The following MYO16 variants were observed in gnomAD, a reference collection of about 807,000 sequenced individuals.
MYO16 encodes the protein unconventional myosin-XVI.
MYO16 carries 94 observed loss-of-function variants against 205.3 expected under a neutral mutation model. The observed-to-expected ratio is 0.46, with a 90% CI of 0.39 to 0.54. The LOEUF is 0.54. Among genes scored for constraint, MYO16 ranks in the 20% least tolerant of loss-of-function variants. MYO16 has a pLI of 0.00. For synonymous variants in MYO16, 988 were observed against 954.0 expected (o/e 1.04, Z -0.66); for missense variants, 2,315 against 2,387.5 (o/e 0.97, Z 0.63).
chr13:108,504,919 T>G, the MYO16 span, among the ~76,000 whole-genome samples: 3 of 152,352 alleles, frequency 2.0e-5, no homozygotes, highest in Admixed American at 6.5e-5. Context: ...TTTGATATTT[T>G]GTAACTATTT....
At chr13:108,540,516 C>T in the MYO16 span, among the ~76,000 whole-genome samples, 1 of 152,066 alleles carries the variant, frequency 6.6e-6, no homozygotes, top group Non-Finnish European at 1.5e-5. Context: ...CTGATATTGC[C>T]TTTTCACAAG....
intron 1 of MYO16, among the ~76,000 whole-genome samples, chr13:108,611,597 G>C (rs1368360077): frequency 6.6e-6 from 1 of 152,130 alleles, no homozygotes; most frequent in Admixed American, 6.5e-5. Context: ...TCCATAAATA[G>C]AGTTAGTAAT....
At chr13:108,844,638 T>A in intron 10 of MYO16, 145 bp downstream of exon 10, 1 of 799,590 alleles carries the variant, frequency 1.3e-6, no homozygotes, top group Non-Finnish European at 1.8e-6. Context: ...CTTGCAGTTT[T>A]CATAAACAAT....
the MYO16 span, among the ~76,000 whole-genome samples, chr13:108,522,320 C>A: frequency 1.3e-5 from 2 of 152,160 alleles, no homozygotes; most frequent in Admixed American, 6.5e-5. Context: ...GAATAATGAA[C>A]AAATAGCTAT....
Position 109,127,647 on chromosome 13 carries a change from T to C in MYO16, c.4051+97T>C. 8.1e-7 allele frequency: 1 copy of C among 1,231,156 alleles called. No individual in the cohort carries two copies. The highest frequency in any genetic ancestry group is 2.6e-5 in the East Asian group (1 of 39,150). The allele number at this position is 1,231,156 out of a possible 1,614,324, so 76.3% of individuals were successfully genotyped here. ...ATGGCAGTACTGTCGCCCTAATGTA[T>C]TCTTAATAGAAATAAATCCAATTGT... On this transcript the variant is annotated intron_variant, in intron 31 of 34. Coordinates refer to ENST00000457511, the MANE Select transcript of MYO16 (RefSeq NM_001198950.3). The surrounding 1 kb of genome is among the most constrained non-coding windows in gnomAD (Gnocchi z 4.2).
chr13:108,700,509 G>A (rs1156497745), intron 2 of MYO16, among the ~76,000 whole-genome samples: 4 of 152,224 alleles, frequency 2.6e-5, no homozygotes, highest in Admixed American at 6.5e-5. Flanking sequence ...TGGCAGCCAC[G>A]AAAACCAGCA....
intron 27 of MYO16, among the ~76,000 whole-genome samples, chr13:109,070,812 G>A (rs1236495555): frequency 2.6e-5 from 4 of 152,112 alleles, no homozygotes; most frequent in Non-Finnish European, 5.9e-5. Context: ...CTAAGGTGAA[G>A]CATCAATTTA....
At position 109,077,549 on chromosome 13, in the gene MYO16, C is replaced by T. The variant is rs192504665; in HGVS notation, c.3335+21954C>T. 6.2e-3 allele frequency among the ~76,000 whole-genome samples: 944 copies of T among 152,272 alleles called. 9 individuals carry two copies. The highest frequency in any genetic ancestry group is 0.022 in the African/African-American group (900 of 41,556). On this transcript the variant is annotated intron_variant, in intron 27 of 34. Coordinates refer to ENST00000457511, the MANE Select transcript of MYO16 (RefSeq NM_001198950.3). Reference sequence around the variant, plus strand: ...TTACTCCTGGTGCTGTACACTCTCACGTCATTTGTGGAAGGCATTTTTATG... The same window carrying T: ...TTACTCCTGGTGCTGTACACTCTCATGTCATTTGTGGAAGGCATTTTTATG...
Position 109,140,563 on chromosome 13 carries a change from G to A in MYO16, c.4351G>A (p.Glu1451Lys). The change falls in exon 32 of 35, where the codon GAG (glutamate) becomes AAG (lysine). Residue 1451 changes from glutamate to lysine, a missense_variant. By Grantham distance (56) the Glu-to-Lys change is moderately conservative. Coordinates refer to ENST00000457511, the MANE Select transcript of MYO16 (RefSeq NM_001198950.3). This position sits in a 1 kb window ranked among gnomAD's most constrained non-coding sequence, Gnocchi z 8.0. Reference protein sequence around the residue: ...AARPDSPDPGESVYEEMKCCL... With the variant: ...AARPDSPDPGKSVYEEMKCCL... ...CAGGCCCGATAGCCCGGACCCCGGG[G>A]AGTCCGTGTACGAGGAGATGAAGTG... 6.5e-7 allele frequency: 1 copy of A among 1,539,470 alleles called. No homozygotes were observed. The highest frequency in any genetic ancestry group is 8.7e-7 in the Non-Finnish European group (1 of 1,149,848).
intron 27 of MYO16, among the ~76,000 whole-genome samples, chr13:109,078,370 T>C (rs1031926481): frequency 1.2e-4 from 18 of 151,550 alleles, no homozygotes; most frequent in African/African-American, 4.1e-4. Context: ...ACCCAGGAGG[T>C]AGAGGTTGCA....
At chr13:109,022,724 CAT>C (rs1491359775) in intron 23 of MYO16, among the ~76,000 whole-genome samples, 6 of 52,802 alleles carry the variant, frequency 1.1e-4, no homozygotes, top group African/African-American at 2.7e-4. Context: ...CGCATATAAA[CAT>C]ATGTATATAT....
intron 16 of MYO16, among the ~76,000 whole-genome samples, chr13:108,925,164 G>A (rs1249445767): frequency 2.0e-5 from 3 of 152,010 alleles, no homozygotes; most frequent in Admixed American, 1.3e-4. Context: ...CTGAAAGGGC[G>A]GCACTCTCTC....
At chr13:108,783,746 T>A (rs568903023) in intron 4 of MYO16, among the ~76,000 whole-genome samples, 3 of 152,176 alleles carry the variant, frequency 2.0e-5, no homozygotes, top group Non-Finnish European at 4.4e-5. Flanking sequence ...TCTCATGAGA[T>A]CTGATGGGTT....
chr13:109,094,588 C>T (rs1354238325), intron 27 of MYO16, among the ~76,000 whole-genome samples: 3 of 152,146 alleles, frequency 2.0e-5, no homozygotes, highest in East Asian at 3.9e-4. Flanking sequence ...AGGTTTGTTA[C>T]GTAGGTATAC....
intron 14 of MYO16, among the ~76,000 whole-genome samples, chr13:108,894,258 C>A (rs949495709): frequency 3.3e-5 from 5 of 152,072 alleles, no homozygotes; most frequent in South Asian, 2.1e-4. Flanking sequence ...GATTACAATT[C>A]GACTCGAGAT....
At chr13:108,561,056 A>C in the MYO16 span, among the ~76,000 whole-genome samples, 1 of 152,156 alleles carries the variant, frequency 6.6e-6, no homozygotes, top group Non-Finnish European at 1.5e-5. Context: ...TTTCTTACTC[A>C]TGATGCATAT....
chr13:108,692,800 T>C (rs1487904979), intron 2 of MYO16, among the ~76,000 whole-genome samples: 3 of 152,116 alleles, frequency 2.0e-5, no homozygotes, highest in Admixed American at 1.3e-4. Flanking sequence ...ACTGGGTAAA[T>C]TGTCAACTTC....
chr13:108,516,725 CAT>C, the MYO16 span, among the ~76,000 whole-genome samples: 6 of 152,120 alleles, frequency 3.9e-5, no homozygotes, highest in East Asian at 3.9e-4. Flanking sequence ...CCTAAGTACA[CAT>C]GTCTAAATGC....
intron 34 of MYO16, among the ~76,000 whole-genome samples, chr13:109,189,492 T>G (rs538086264): frequency 6.6e-6 from 1 of 152,382 alleles, no homozygotes; most frequent in South Asian, 2.1e-4. Context: ...CCATTTTACA[T>G]TACCTATTGG....
Sources: allele counts gnomAD v4.1 joint callset (sites outside exome capture counted in the v4.1 genomes callset), GRCh38; gene constraint gnomAD v4.1.1; non-coding constraint Gnocchi (gnomAD v3.1); transcripts MANE v1.5; gene names NCBI Gene and HGNC (gene_info 2026-07-23, HGNC 2026-07-21).